The following BCAS3 variants were observed in gnomAD, a reference collection of about 807,000 sequenced individuals.
BCAS3 encodes BCAS4/BCAS3 fusion.
A neutral mutation model predicts 116.1 loss-of-function variants in BCAS3; 53 were observed. That is an observed-to-expected ratio of 0.46 (90% CI 0.37 to 0.57). The LOEUF (loss-of-function observed/expected upper bound fraction) is 0.57, where lower values mean the gene tolerates loss of function less well. Among genes scored for constraint, BCAS3 ranks in the 20% least tolerant of loss-of-function variants. The pLI is 0.00. For missense variants in BCAS3, 917 were observed against 1,165.4 expected, an observed-to-expected ratio of 0.79 and a Z score of 3.10; for synonymous variants, 391 against 408.2, an observed-to-expected ratio of 0.96 and a Z score of 0.51.
At chr17:60,925,807 T>C (rs986370209) in intron 13 of BCAS3, among the ~76,000 whole-genome samples, 1 of 152,130 alleles carries the variant, frequency 6.6e-6, no homozygotes, top group African/African-American at 2.4e-5. Flanking sequence ...TTGAGTACTT[T>C]ATGTCTGAAA....
intron 13 of BCAS3, among the ~76,000 whole-genome samples, chr17:60,930,301 T>G (rs1015672419): frequency 6.6e-6 from 1 of 152,198 alleles, no homozygotes; most frequent in African/African-American, 2.4e-5. Context: ...TTAGAATACT[T>G]TTTACTAGTT....
At chr17:61,283,847 T>A (rs556907356) in intron 22 of BCAS3, among the ~76,000 whole-genome samples, 1 of 152,270 alleles carries the variant, frequency 6.6e-6, no homozygotes, top group Non-Finnish European at 1.5e-5. Context: ...CACTGCAGCC[T>A]CAACCTCCTG....
chr17:61,116,253 T>A (rs1454558322), intron 22 of BCAS3, among the ~76,000 whole-genome samples: 8 of 30,926 alleles, frequency 2.6e-4, no homozygotes, highest in Non-Finnish European at 5.1e-4. Context: ...AAAAAATAAA[T>A]AAATAAATAA....
At chr17:60,865,083 G>C (rs2054480375) in intron 7 of BCAS3, among the ~76,000 whole-genome samples, 1 of 152,122 alleles carries the variant, frequency 6.6e-6, no homozygotes, top group Admixed American at 6.6e-5. Flanking sequence ...AGAGTTTGAA[G>C]TATTATGAGA....
chr17:61,071,963 G>A (rs1418485689), intron 19 of BCAS3, among the ~76,000 whole-genome samples: 2 of 152,060 alleles, frequency 1.3e-5, no homozygotes, highest in African/African-American at 4.8e-5. Context: ...AAATGGTGAG[G>A]CAGAGGAAGG....
In BCAS3 at chr17:61,077,571, C is replaced by A. The variant is rs1411190197; in HGVS notation, c.2131-762C>A. 6.6e-6 allele frequency among the ~76,000 whole-genome samples: 1 copy of A among 151,960 alleles called. No individual in the cohort carries two copies. On this transcript the variant is annotated intron_variant, in intron 20 of 23. Transcript: ENST00000407086. The surrounding 1 kb of genome is among the most constrained non-coding windows in gnomAD (Gnocchi z 4.3). ...TAAAATATTGGCAACATTCCCTATCCCCCCCATTGAGCGTGAAATTCATAA... is the reference window on the plus strand; with the variant it reads ...TAAAATATTGGCAACATTCCCTATCACCCCCATTGAGCGTGAAATTCATAA...
At chr17:60,930,933 G>T (rs978170344) in intron 13 of BCAS3, among the ~76,000 whole-genome samples, 3 of 152,192 alleles carry the variant, frequency 2.0e-5, no homozygotes, top group African/African-American at 7.2e-5. Flanking sequence ...AGACCATGTA[G>T]GTTGGTTGAC....
chr17:60,680,614 C>G (rs1018286652), intron 2 of BCAS3, among the ~76,000 whole-genome samples: 1 of 151,254 alleles, frequency 6.6e-6, no homozygotes, highest in East Asian at 1.9e-4. Context: ...AGTTTATAAT[C>G]TAATATGGTT....
intron 7 of BCAS3, among the ~76,000 whole-genome samples, chr17:60,856,273 T>G (rs74644989): frequency 0.03 from 4,615 of 152,188 alleles, 180 homozygotes; most frequent in East Asian, 0.091. Context: ...GTAAGAAATT[T>G]TGTGGAGAAT....
rs151173489 is a variant in BCAS3 at position 60,791,363 on chromosome 17, G to A, written c.404-16641G>A. Among the ~76,000 whole-genome samples the A allele has an allele frequency of 4.9e-3, 744 of 152,228 alleles. 19 individuals are homozygous for A. The highest frequency in any genetic ancestry group is 0.028 in the Admixed American group (431 of 15,286). ...AACATGGATTGTTAATGTTACAAAT[G>A]CTTTCTACTGACCAGGTGTGGTGAC... On this transcript the variant is annotated intron_variant, in intron 6 of 23. Coordinates refer to ENST00000407086, the MANE Select transcript of BCAS3 (RefSeq NM_017679.5).
chr17:61,079,882 ATTTTTTTTT>A (rs745702399), intron 21 of BCAS3, among the ~76,000 whole-genome samples: 4 of 65,888 alleles, frequency 6.1e-5, no homozygotes, highest in Non-Finnish European at 8.3e-5. Context: ...AGGCATGAGT[ATTTTTTTTT>A]TTTTTTTTTT....
At position 61,140,345 on chromosome 17, in the gene BCAS3, A is replaced by C. The variant is rs2076853105; in HGVS notation, c.2425+55781A>C. On this transcript the variant is annotated intron_variant, in intron 22 of 23. Coordinates refer to ENST00000407086, the MANE Select transcript of BCAS3 (RefSeq NM_017679.5). The surrounding 1 kb of genome is among the most constrained non-coding windows in gnomAD (Gnocchi z 4.2). ...AAGGATATGTGAGGGATAGCTGTGG[A>C]AGATCCAACTGTCAAGGAAGGTTAG... is the stretch of plus-strand genomic sequence containing the variant. 6.6e-6 allele frequency among the ~76,000 whole-genome samples: 1 copy of C among 152,222 alleles called. No individual in the cohort carries two copies. The highest frequency in any genetic ancestry group is 3.2e-3 in the Middle Eastern group (1 of 316).
Position 61,362,687 on chromosome 17 carries a change from T to C in BCAS3, c.2426-5640T>C, listed in dbSNP as rs1001526755. 2 of 152,104 alleles carry C rather than the reference T, an allele frequency of 1.3e-5. No individual in the cohort carries two copies. Among genetic ancestry groups the C allele is most frequent in the African/African-American group, 2.4e-5 (1 of 41,422 alleles). The allele number at this position is 152,104 out of a possible 1,614,324, so 9.4% of individuals were successfully genotyped here. On this transcript the variant is annotated intron_variant, in intron 22 of 23. Coordinates refer to ENST00000407086, the MANE Select transcript of BCAS3 (RefSeq NM_017679.5). The surrounding 1 kb of genome is among the most constrained non-coding windows in gnomAD (Gnocchi z 4.4). ...ACCCATTTCTCCTCTGGGGAAAGAG[T>C]ATAACACAGGATGCCAAGCTGGGAA...
At chr17:61,148,902 G>A (rs1601585543) in intron 22 of BCAS3, among the ~76,000 whole-genome samples, 2 of 152,206 alleles carry the variant, frequency 1.3e-5, no homozygotes, top group Non-Finnish European at 2.9e-5. Context: ...CTGTACCACA[G>A]AGTGCCATTT....
intron 22 of BCAS3, among the ~76,000 whole-genome samples, chr17:61,165,760 A>G (rs1188308137): frequency 6.6e-6 from 1 of 152,108 alleles, no homozygotes; most frequent in Non-Finnish European, 1.5e-5. Context: ...TTATCCTACT[A>G]TTTTTTCAAA....
intron 6 of BCAS3, among the ~76,000 whole-genome samples, chr17:60,749,760 G>C (rs749331559): frequency 4.6e-5 from 7 of 151,108 alleles, no homozygotes; most frequent in Non-Finnish European, 7.4e-5. Flanking sequence ...TTCTTTCTTG[G>C]TATACTTTAC....
At chr17:60,698,183 C>CAAAAAAA (rs759028839) in intron 4 of BCAS3, among the ~76,000 whole-genome samples, 4 of 55,268 alleles carry the variant, frequency 7.2e-5, no homozygotes, top group Non-Finnish European at 6.9e-5. Flanking sequence ...CTCCGTCTCA[C>CAAAAAAA]AAAAAAAAAA....
At chr17:61,262,746 G>A (rs1201744406) in intron 22 of BCAS3, among the ~76,000 whole-genome samples, 8 of 148,360 alleles carry the variant, frequency 5.4e-5, no homozygotes, top group African/African-American at 2.0e-4. Flanking sequence ...AGGCTAGAGT[G>A]CAATGGCACT....
chr17:61,277,667 A>G (rs984277473), intron 22 of BCAS3, among the ~76,000 whole-genome samples: 2 of 152,206 alleles, frequency 1.3e-5, no homozygotes, highest in African/African-American at 4.8e-5. Context: ...ATATAACCCA[A>G]TTAAAAATGG....
Sources: gnomAD v4.1 joint callset for allele counts (sites outside exome capture counted in the v4.1 genomes callset) on GRCh38, gnomAD v4.1.1 for gene constraint, Gnocchi (gnomAD v3.1) non-coding constraint, MANE v1.5 for transcripts, NCBI Gene and HGNC (gene_info 2026-07-23, HGNC 2026-07-21) for gene names.